TRIM33: variants seen among roughly 807,000 people sequenced by gnomAD.
TRIM33 encodes tripartite motif containing 33.
TRIM33 carries 20 observed loss-of-function variants against 125.4 expected under a neutral mutation model. That is an observed-to-expected ratio of 0.16 (90% CI 0.11 to 0.23). The LOEUF (loss-of-function observed/expected upper bound fraction) is 0.23. TRIM33 is among the 10% of genes least tolerant of loss of function. The pLI, the probability that TRIM33 is intolerant of heterozygous loss-of-function variation, is 1.00. For synonymous variants in TRIM33, 564 were observed against 513.9 expected, an observed-to-expected ratio of 1.10 and a Z score of -1.32; for missense variants, 920 against 1,411.4, an observed-to-expected ratio of 0.65 and a Z score of 5.58.
intron 6 of TRIM33, among the ~76,000 whole-genome samples, chr1:114,428,684 A>G (rs544600042): frequency 1.3e-5 from 2 of 152,360 alleles, no homozygotes; most frequent in South Asian, 4.1e-4. Context: ...GGATAAGAGT[A>G]TTCAACTGAG....
chr1:114,447,954 G>C (rs1447340923), intron 4 of TRIM33, among the ~76,000 whole-genome samples: 1 of 152,114 alleles, frequency 6.6e-6, no homozygotes, highest in Non-Finnish European at 1.5e-5. Flanking sequence ...TGGGACAGGA[G>C]GAATTAGAGA....
chr1:114,461,233 T>TAC (rs1158121567), intron 4 of TRIM33, among the ~76,000 whole-genome samples: 1 of 146,498 alleles, frequency 6.8e-6, no homozygotes, highest in Non-Finnish European at 1.5e-5. Context: ...TATATATATA[T>TAC]ATACATATAT....
intron 13 of TRIM33, among the ~76,000 whole-genome samples, chr1:114,408,091 C>T (rs1204863681): frequency 1.3e-5 from 2 of 152,224 alleles, no homozygotes; most frequent in Non-Finnish European, 2.9e-5. Flanking sequence ...TCCCCCAAAT[C>T]AAACCTAAAT....
chr1:114,447,386 T>C (rs1358634814), intron 4 of TRIM33, among the ~76,000 whole-genome samples: 1 of 151,262 alleles, frequency 6.6e-6, no homozygotes, highest in Admixed American at 6.6e-5. Flanking sequence ...TTTTGGCCTA[T>C]GCAACTGAAA....
chr1:114,489,766 A>AT (rs1651935520), intron 1 of TRIM33, among the ~76,000 whole-genome samples: 11 of 152,118 alleles, frequency 7.2e-5, no homozygotes, highest in East Asian at 5.8e-4. Context: ...AAATAAATAA[A>AT]AAAAACATGT....
intron 1 of TRIM33, among the ~76,000 whole-genome samples, chr1:114,477,915 T>G (rs749924095): frequency 6.6e-6 from 1 of 152,172 alleles, no homozygotes; most frequent in Non-Finnish European, 1.5e-5. Flanking sequence ...TTTTTAAGAC[T>G]ACTAAAATTT....
chr1:114,399,085 T>C (rs1379150583), intron 18 of TRIM33, among the ~76,000 whole-genome samples: 2 of 152,054 alleles, frequency 1.3e-5, no homozygotes, highest in Admixed American at 6.5e-5. Flanking sequence ...TACATTCATG[T>C]TGTCAATAAT....
rs1651987926 is a variant in TRIM33 at position 114,402,813 on chromosome 1, G to C, written c.2839C>G (p.Gln947Glu). The change falls in exon 16 of 20, where the codon CAA (glutamine) becomes GAA (glutamate). Residue 947 changes from glutamine (Q) to glutamate (E), a missense_variant. Transcript: ENST00000358465. ...GCAGTTTTCCCCTTCTTACTATGTTGCAAATTATCACAATCATATTCAACT... is the reference window on the plus strand; with the variant it reads ...GCAGTTTTCCCCTTCTTACTATGTTCCAAATTATCACAATCATATTCAACT... ...PEVEYDCDNL[Q>E]HSKKGKTAQG... 6.2e-7 allele frequency: 1 copy of C among 1,613,886 alleles called. No individual in the cohort carries two copies. Among genetic ancestry groups the C allele is most frequent in the South Asian group, 1.1e-5 (1 of 91,078 alleles).
At chr1:114,433,208 T>C (rs1219276690) in intron 5 of TRIM33, among the ~76,000 whole-genome samples, 2 of 152,232 alleles carry the variant, frequency 1.3e-5, no homozygotes, top group Admixed American at 1.3e-4. Flanking sequence ...ATTCATCTTA[T>C]AATGCTACTC....
At chr1:114,493,402 T>C (rs1003177699) in intron 1 of TRIM33, among the ~76,000 whole-genome samples, 3 of 152,192 alleles carry the variant, frequency 2.0e-5, no homozygotes, top group Non-Finnish European at 4.4e-5. Context: ...CAAGTCCGAC[T>C]TACTATTTTT....
At position 114,511,099 on chromosome 1, in the gene TRIM33, G is replaced by A. The variant is rs1653341863; in HGVS notation, c.-23C>T. ...CATGTTTTCCTCTTTGAACCCGCCGGACCGCCCCGCGCCGCCCGCCGCCCG... is the reference window on the plus strand; with the variant it reads ...CATGTTTTCCTCTTTGAACCCGCCGAACCGCCCCGCGCCGCCCGCCGCCCG... On this transcript the variant is annotated 5_prime_UTR_variant, in exon 1 of 20. Transcript: ENST00000358465. The A allele has an allele frequency of 2.6e-6, 3 of 1,174,290 alleles. No individual in the cohort carries two copies. The highest frequency in any genetic ancestry group is 1.6e-5 in the African/African-American group (1 of 61,344). The allele number at this position is 1,174,290 out of a possible 1,614,324, so 72.7% of individuals were successfully genotyped here.
intron 11 of TRIM33, among the ~76,000 whole-genome samples, 187 bp downstream of exon 11, chr1:114,421,249 G>A (rs970599738): frequency 6.6e-6 from 1 of 152,060 alleles, no homozygotes; most frequent in African/African-American, 2.4e-5. Context: ...GGGGAATGCG[G>A]AAAGAGAGGA....
At chr1:114,510,284 C>T (rs1166312031) in intron 1 of TRIM33, among the ~76,000 whole-genome samples, 1 of 152,184 alleles carries the variant, frequency 6.6e-6, no homozygotes, top group East Asian at 1.9e-4. Flanking sequence ...CAGCGCTCGG[C>T]CGGGTTCCGC....
intron 1 of TRIM33, among the ~76,000 whole-genome samples, chr1:114,480,289 T>G (rs561951918): frequency 9.2e-5 from 14 of 152,004 alleles, no homozygotes; most frequent in Non-Finnish European, 1.9e-4. Context: ...AGTATGCTCC[T>G]TAAGAGTCAT....
intron 16 of TRIM33, 30 bp downstream of exon 16, chr1:114,402,730 C>T (rs762045704): frequency 6.2e-7 from 1 of 1,604,500 alleles, no homozygotes; most frequent in Non-Finnish European, 8.5e-7. Context: ...TACTGAATCC[C>T]AGTGACAAAT....
In TRIM33 at chr1:114,411,961, AAC is replaced by A. The variant is rs1652616952; in HGVS notation, c.2062-1647_2062-1646del. Reference sequence around the variant, plus strand: ...ATAATTTTCATGATTTAAAAGTAAAAACACAGTCCAATAGGAAAATGAGCAAA... The same window carrying A: ...ATAATTTTCATGATTTAAAAGTAAAAACAGTCCAATAGGAAAATGAGCAAA... On this transcript the variant is annotated intron_variant, in intron 11 of 19. Coordinates refer to ENST00000358465, the MANE Select transcript of TRIM33 (RefSeq NM_015906.4). Among the ~76,000 whole-genome samples, 3 of 152,346 alleles carry A rather than the reference AAC, an allele frequency of 2.0e-5. No homozygotes were observed. In the South Asian group the frequency reaches 6.2e-4, roughly 32 times the overall value.
intron 1 of TRIM33, among the ~76,000 whole-genome samples, chr1:114,483,318 T>A (rs11582652): frequency 0.05 from 7,594 of 150,930 alleles, 280 homozygotes; most frequent in Non-Finnish European, 0.076. Flanking sequence ...AAAAAAAAAA[T>A]TTTTACCAAA....
At chr1:114,471,098 CT>C (rs1341322805) in intron 1 of TRIM33, among the ~76,000 whole-genome samples, 1 of 152,180 alleles carries the variant, frequency 6.6e-6, no homozygotes, top group Non-Finnish European at 1.5e-5. Flanking sequence ...TGCGCCTGGC[CT>C]GCAAAGTTCT....
chr1:114,473,786 G>C (rs747199505), intron 1 of TRIM33, among the ~76,000 whole-genome samples: 14 of 152,056 alleles, frequency 9.2e-5, no homozygotes, highest in Non-Finnish European at 1.6e-4. Flanking sequence ...AGAAAACAAA[G>C]AGCAAAGCAA....
Sources: gnomAD v4.1 joint callset for allele counts (sites outside exome capture counted in the v4.1 genomes callset) on GRCh38, gnomAD v4.1.1 for gene constraint, MANE v1.5 for transcripts, NCBI Gene and HGNC (gene_info 2026-07-23, HGNC 2026-07-21) for gene names.